The following CEP85L variants were observed in gnomAD, a reference collection of about 807,000 sequenced individuals.
CEP85L encodes the protein centrosomal protein of 85 kDa-like.
In CEP85L, 60 loss-of-function variants were observed where a neutral mutation model predicts 100.3. The observed-to-expected ratio is 0.60, with a 90% confidence interval of 0.49 to 0.74. CEP85L has a LOEUF of 0.74. CEP85L is among the 30% of genes least tolerant of loss of function. The pLI is 0.00. For missense variants in CEP85L, 973 were observed against 936.2 expected (o/e 1.04, Z -0.51); for synonymous variants, 319 against 322.7 (o/e 0.99, Z 0.12).
At chr6:118,495,614 T>C (rs567847362) in intron 5 of CEP85L, among the ~76,000 whole-genome samples, 19 of 152,286 alleles carry the variant, frequency 1.2e-4, no homozygotes, top group Non-Finnish European at 2.8e-4. Context: ...TTATAAATTA[T>C]CCAGTCTCAG....
At chr6:118,547,787 C>T (rs1465260770) in intron 3 of CEP85L, among the ~76,000 whole-genome samples, 1 of 151,876 alleles carries the variant, frequency 6.6e-6, no homozygotes, top group Non-Finnish European at 1.5e-5. Flanking sequence ...ACTCCTTCTC[C>T]CATACACACA....
intron 3 of CEP85L, among the ~76,000 whole-genome samples, chr6:118,534,621 A>G (rs1339380780): frequency 6.6e-6 from 1 of 152,154 alleles, no homozygotes; most frequent in African/African-American, 2.4e-5. Flanking sequence ...AGACAGACCA[A>G]TGAAACAGAA....
chr6:118,521,762 C>CT lies in CEP85L; in HGVS notation c.1139+2039dup, dbSNP rs760310574. 2.0e-3 allele frequency among the ~76,000 whole-genome samples: 303 copies of CT among 152,278 alleles called. 1 individual carries two copies. Among genetic ancestry groups the CT allele is most frequent in the Non-Finnish European group, 3.4e-3 (234 of 68,020 alleles). ...AACATGTGGAGTAAGACAAGCCATC[C>CT]TGCCGTGGCCCATCCTATGCCACCC... is the stretch of plus-strand genomic sequence containing the variant. On this transcript the variant is annotated intron_variant, in intron 4 of 12. Coordinates refer to ENST00000368491, the MANE Select transcript of CEP85L (RefSeq NM_001042475.3).
In CEP85L at chr6:118,566,097, C is replaced by T. The variant is rs141322226; in HGVS notation, c.452G>A (p.Arg151Gln). Reference sequence around the variant, plus strand: ...TAAAGATGACCATTTCCGAAGTGGCCGGAAGTCCTTCATGTCTAGGGAAGA... The same window carrying T: ...TAAAGATGACCATTTCCGAAGTGGCTGGAAGTCCTTCATGTCTAGGGAAGA... ...QDSSLDMKDF[R>Q]PLRKWSSLSK... The change falls in exon 3 of 13, where the codon CGG (arginine) becomes CAG (glutamine). Residue 151 changes from arginine to glutamine, a missense_variant. Coordinates refer to ENST00000368491, the MANE Select transcript of CEP85L (RefSeq NM_001042475.3). The T allele has an allele frequency of 2.5e-6, 4 of 1,614,124 alleles. No homozygotes were observed. Among genetic ancestry groups the T allele is most frequent in the South Asian group, 2.2e-5 (2 of 91,080 alleles).
In CEP85L at chr6:118,678,645, A is replaced by G. The variant is rs998362600; in HGVS notation, c.-27-25837T>C. On this transcript the variant is annotated intron_variant, in intron 1 of 13. Coordinates refer to the CEP85L transcript ENST00000368488. ...TATATAAATCATTGCTTTATCCTCA[A>G]TGCTTGCAGCATTAAACAATTTATA... 5.9e-5 allele frequency among the ~76,000 whole-genome samples: 9 copies of G among 152,354 alleles called. No individual in the cohort carries two copies. The South Asian group carries it at 1.4e-3, about 25-fold the overall frequency.
chr6:118,678,082 G>T (rs1418684900), intron 1 of CEP85L, among the ~76,000 whole-genome samples: 1 of 152,188 alleles, frequency 6.6e-6, no homozygotes, highest in Non-Finnish European at 1.5e-5. Context: ...TTTGTACAGG[G>T]AAGAAAATTC....
intron 2 of CEP85L, among the ~76,000 whole-genome samples, chr6:118,624,769 G>T (rs1289356207): frequency 1.3e-5 from 2 of 152,176 alleles, no homozygotes; most frequent in Admixed American, 6.5e-5. Flanking sequence ...ACCCATGTGG[G>T]TATAACTGAT....
chr6:118,515,902 C>T (rs1057047335), intron 4 of CEP85L, among the ~76,000 whole-genome samples: 18 of 152,114 alleles, frequency 1.2e-4, no homozygotes, highest in Non-Finnish European at 2.6e-4. Context: ...CTCCCCAAGA[C>T]CCCCACCCCC....
chr6:118,603,774 CA>C (rs1364659163), intron 2 of CEP85L, among the ~76,000 whole-genome samples: 9 of 152,118 alleles, frequency 5.9e-5, no homozygotes, highest in African/African-American at 1.9e-4. Flanking sequence ...TCATAATCTC[CA>C]AAGCTATCAG....
intron 1 of CEP85L, among the ~76,000 whole-genome samples, chr6:118,693,916 C>T (rs1324009734): frequency 1.3e-5 from 2 of 152,148 alleles, no homozygotes; most frequent in Admixed American, 6.5e-5. Context: ...AGAGTATATA[C>T]CCATGTTGCA....
chr6:118,508,219 G>A (rs1775771301), intron 5 of CEP85L, among the ~76,000 whole-genome samples: 1 of 151,560 alleles, frequency 6.6e-6, no homozygotes, highest in African/African-American at 2.4e-5. Context: ...CTTGGTGGTG[G>A]AAACAAACCA....
At position 118,494,262 on chromosome 6, in the gene CEP85L, C is replaced by T. The variant is rs538389214; in HGVS notation, c.1258-2397G>A. Among the ~76,000 whole-genome samples the T allele has an allele frequency of 6.0e-4, 91 of 152,260 alleles. No individual in the cohort carries two copies. In the South Asian group the frequency reaches 0.019, roughly 32 times the overall value. ...GTTTCCATATGTCTGTGAGTTTTACCTCCAGGAGTGTTCTACAAGATCTTC... is the reference window on the plus strand; with the variant it reads ...GTTTCCATATGTCTGTGAGTTTTACTTCCAGGAGTGTTCTACAAGATCTTC... On this transcript the variant is annotated intron_variant, in intron 5 of 12. Coordinates refer to ENST00000368491, the MANE Select transcript of CEP85L (RefSeq NM_001042475.3).
chr6:118,524,870 G>A (rs530608179), intron 3 of CEP85L, among the ~76,000 whole-genome samples: 1 of 152,336 alleles, frequency 6.6e-6, no homozygotes, highest in East Asian at 1.9e-4. Context: ...TGCGTTCTGG[G>A]GGAAATGGGT....
chr6:118,523,666 G>A (rs887503773), intron 4 of CEP85L, 136 bp downstream of exon 4: 5 of 471,060 alleles, frequency 1.1e-5, no homozygotes, highest in Non-Finnish European at 1.9e-5. Context: ...TGGGATTGAG[G>A]AGGGGCAGAG....
intron 6 of CEP85L, chr6:118,491,479 G>T: frequency 7.7e-7 from 1 of 1,302,952 alleles, no homozygotes; most frequent in Non-Finnish European, 9.8e-7. Context: ...TTGTTAGAAA[G>T]ATATACAAGA....
intron 1 of CEP85L, among the ~76,000 whole-genome samples, chr6:118,683,719 T>C (rs1482648824): frequency 6.6e-6 from 1 of 152,196 alleles, no homozygotes; most frequent in African/African-American, 2.4e-5. Context: ...GTAAAGCATA[T>C]AGTTAATTAA....
At chr6:118,707,173 A>C (rs1583277552) in intron 1 of CEP85L, among the ~76,000 whole-genome samples, 2 of 144,936 alleles carry the variant, frequency 1.4e-5, no homozygotes, top group Admixed American at 1.4e-4. Context: ...TTTCCTTCTC[A>C]TATTCCTCCT....
At chr6:118,600,567 C>G (rs961773394) in intron 2 of CEP85L, among the ~76,000 whole-genome samples, 6 of 150,874 alleles carry the variant, frequency 4.0e-5, no homozygotes, top group African/African-American at 1.5e-4. Context: ...GGTGATCCAC[C>G]CACCTTGGCC....
chr6:118,594,432 G>C (rs1254226526), intron 2 of CEP85L, among the ~76,000 whole-genome samples: 1 of 152,022 alleles, frequency 6.6e-6, no homozygotes, highest in African/African-American at 2.4e-5. Flanking sequence ...AATAAAATAG[G>C]TTAATTAGAT....
Sources: gnomAD v4.1 joint callset for allele counts (sites outside exome capture counted in the v4.1 genomes callset) on GRCh38, gnomAD v4.1.1 for gene constraint, MANE v1.5 for transcripts, NCBI Gene and HGNC (gene_info 2026-07-23, HGNC 2026-07-21) for gene names.